MAGI2: variants seen among roughly 807,000 people sequenced by gnomAD.
MAGI2 encodes membrane associated guanylate kinase, WW and PDZ domain containing 2, also known as membrane-associated guanylate kinase, WW and PDZ domain-containing protein 2.
A neutral mutation model predicts 133.3 loss-of-function variants in MAGI2; 35 were observed. The ratio of observed to expected loss-of-function variants is 0.26; its 90% confidence interval spans 0.20 to 0.35. The LOEUF is 0.35. Ranked by LOEUF, MAGI2 falls within the 10% of genes least tolerant of loss-of-function variation. The pLI is 1.00. For missense variants in MAGI2, 1,636 were observed against 1,863.4 expected (o/e 0.88, Z 2.25); for synonymous variants, 729 against 710.6 (o/e 1.03, Z -0.41).
chr7:78,758,302 G>C (rs764538960), intron 2 of MAGI2, among the ~76,000 whole-genome samples: 11 of 151,952 alleles, frequency 7.2e-5, no homozygotes. Flanking sequence ...CAAGCACCTG[G>C]AACAGTGCCT....
At chr7:78,367,284 G>A (rs777415799) in intron 7 of MAGI2, among the ~76,000 whole-genome samples, 1 of 152,158 alleles carries the variant, frequency 6.6e-6, no homozygotes, top group East Asian at 1.9e-4. Flanking sequence ...TTCTGACACA[G>A]GGGTGTCTTG....
At chr7:78,514,526 T>C (rs987249008) in intron 4 of MAGI2, among the ~76,000 whole-genome samples, 1 of 152,176 alleles carries the variant, frequency 6.6e-6, no homozygotes, top group Non-Finnish European at 1.5e-5. Flanking sequence ...CCCAGTACTC[T>C]GGGAACAAGA....
At chr7:78,292,998 C>T (rs1235270772) in intron 9 of MAGI2, among the ~76,000 whole-genome samples, 1 of 152,184 alleles carries the variant, frequency 6.6e-6, no homozygotes, top group Admixed American at 6.5e-5. Context: ...AAAACCTAGG[C>T]AATACCATTC....
chr7:78,444,087 T>A (rs1270079042), intron 6 of MAGI2, among the ~76,000 whole-genome samples: 1 of 152,076 alleles, frequency 6.6e-6, no homozygotes, highest in Non-Finnish European at 1.5e-5. Flanking sequence ...CCTATCTACC[T>A]GGTGTATGTC....
rs887069633 is a variant in MAGI2 at position 78,018,646 on chromosome 7, C to A, written c.*669G>T. 3 of 152,488 alleles carry A rather than the reference C, an allele frequency of 2.0e-5. No homozygotes were observed. The highest frequency in any genetic ancestry group is 7.3e-5 in the African/African-American group (3 of 41,368). The allele number at this position is 152,488 out of a possible 1,614,324, so 9.4% of individuals were successfully genotyped here. On this transcript the variant is annotated 3_prime_UTR_variant, in exon 22 of 22. Coordinates refer to ENST00000354212, the MANE Select transcript of MAGI2 (RefSeq NM_012301.4). ...AAATATGATTTGATCACAGAAAGGG[C>A]AATAAAAATGGCATCACACCAAGAA...
chr7:78,920,803 A>T (rs1391545136), intron 2 of MAGI2, among the ~76,000 whole-genome samples: 1 of 152,172 alleles, frequency 6.6e-6, no homozygotes, highest in East Asian at 1.9e-4. Context: ...AGTATGCAGG[A>T]CGAACCACAC....
intron 2 of MAGI2, among the ~76,000 whole-genome samples, chr7:78,878,326 C>T (rs1795584730): frequency 6.6e-6 from 1 of 152,174 alleles, no homozygotes; most frequent in African/African-American, 2.4e-5. Flanking sequence ...AGGAGTCCTG[C>T]GTTTTCATTT....
At position 79,211,230 on chromosome 7, in the gene MAGI2, T is replaced by C. The variant is rs981110232; in HGVS notation, c.302-204024A>G. 4.6e-5 allele frequency among the ~76,000 whole-genome samples: 7 copies of C among 152,012 alleles called. 1 individual carries two copies. The highest frequency in any genetic ancestry group is 1.7e-4 in the African/African-American group (7 of 41,290). On this transcript the variant is annotated intron_variant, in intron 1 of 21. Coordinates refer to ENST00000354212, the MANE Select transcript of MAGI2 (RefSeq NM_012301.4). ...CTGTATGTGTATCAATATCTCTAATTTATCTACCATCTATCAATATTTTGT... is the reference window on the plus strand; with the variant it reads ...CTGTATGTGTATCAATATCTCTAATCTATCTACCATCTATCAATATTTTGT...
At chr7:78,288,044 AAAAT>A (rs1796324790) in intron 9 of MAGI2, among the ~76,000 whole-genome samples, 1 of 152,186 alleles carries the variant, frequency 6.6e-6, no homozygotes, top group South Asian at 2.1e-4. Context: ...TCCTTTCCCT[AAAAT>A]AAATGTGCAA....
chr7:79,061,294 T>C (rs1813701632), intron 1 of MAGI2, among the ~76,000 whole-genome samples: 1 of 149,142 alleles, frequency 6.7e-6, no homozygotes. Flanking sequence ...AAAGGACTGT[T>C]AGAAAAAAAA....
At chr7:78,730,315 G>A (rs1276540944) in intron 2 of MAGI2, among the ~76,000 whole-genome samples, 1 of 150,494 alleles carries the variant, frequency 6.6e-6, no homozygotes, top group African/African-American at 2.4e-5. Flanking sequence ...CTCAAAACAA[G>A]TTAATAATAC....
chr7:79,291,152 T>C (rs916280763), intron 1 of MAGI2, among the ~76,000 whole-genome samples: 2 of 152,164 alleles, frequency 1.3e-5, no homozygotes, highest in African/African-American at 4.8e-5. Flanking sequence ...GGACATTTCA[T>C]ATAAATTGAA....
chr7:78,862,896 G>A (rs1008611886), intron 2 of MAGI2, among the ~76,000 whole-genome samples: 1 of 152,178 alleles, frequency 6.6e-6, no homozygotes, highest in Admixed American at 6.5e-5. Flanking sequence ...ATATGTTAAA[G>A]CAAAGACAGA....
intron 2 of MAGI2, among the ~76,000 whole-genome samples, chr7:78,701,403 C>G (rs1818056805): frequency 6.6e-6 from 1 of 151,728 alleles, no homozygotes; most frequent in South Asian, 2.1e-4. Flanking sequence ...AAATGCAGAT[C>G]ATATTTGTAA....
chr7:79,077,696 T>C (rs1351560963), intron 1 of MAGI2, among the ~76,000 whole-genome samples: 2 of 151,588 alleles, frequency 1.3e-5, no homozygotes, highest in African/African-American at 4.8e-5. Context: ...ATAATGGAAG[T>C]ATCCATAATA....
At chr7:79,222,326 T>C (rs1394700123) in intron 1 of MAGI2, among the ~76,000 whole-genome samples, 1 of 152,040 alleles carries the variant, frequency 6.6e-6, no homozygotes, top group African/African-American at 2.4e-5. Context: ...AGCAATAATA[T>C]ATTTGGAAGT....
intron 1 of MAGI2, chr7:79,125,764 A>G (rs945498564): frequency 1.9e-6 from 1 of 520,148 alleles, no homozygotes; most frequent in African/African-American, 1.9e-5. Flanking sequence ...CAAAATCAAG[A>G]TGGCTGGGGT....
At chr7:78,150,774 G>A (rs118063448) in intron 16 of MAGI2, among the ~76,000 whole-genome samples, 1 of 152,162 alleles carries the variant, frequency 6.6e-6, no homozygotes, top group South Asian at 2.1e-4. Context: ...ATTCCCTAGT[G>A]GGGGAAACAT....
At chr7:78,535,184 G>T (rs1584531652) in intron 3 of MAGI2, among the ~76,000 whole-genome samples, 1 of 152,180 alleles carries the variant, frequency 6.6e-6, no homozygotes, top group East Asian at 1.9e-4. Context: ...GGCTCAAGAG[G>T]TACAGAGAGG....
Sources: allele counts gnomAD v4.1 joint callset (sites outside exome capture counted in the v4.1 genomes callset), GRCh38; gene constraint gnomAD v4.1.1; transcripts MANE v1.5; gene names NCBI Gene and HGNC (gene_info 2026-07-23, HGNC 2026-07-21).